The following GLYR1 variants were observed in gnomAD, a reference collection of about 807,000 sequenced individuals.
GLYR1 encodes cytokine-like nuclear factor N-PAC.
A neutral mutation model predicts 72.7 loss-of-function variants in GLYR1; 21 were observed. That is an observed-to-expected ratio of 0.29 (90% confidence interval 0.20 to 0.42). The LOEUF is 0.42. Among genes scored for constraint, GLYR1 ranks in the 10% least tolerant of loss-of-function variants. GLYR1 has a pLI of 1.00. For synonymous variants in GLYR1, 392 were observed against 270.2 expected, an observed-to-expected ratio of 1.45 and a Z score of -4.42; for missense variants, 594 against 712.1, an observed-to-expected ratio of 0.83 and a Z score of 1.89.
intron 10 of GLYR1, among the ~76,000 whole-genome samples, chr16:4,817,327 G>A (rs1309551670): frequency 3.9e-5 from 6 of 151,942 alleles, no homozygotes; most frequent in African/African-American, 1.4e-4. Flanking sequence ...CACCGTGTTA[G>A]CCAGGATGGT....
intron 10 of GLYR1, 94 bp from the exon 11 acceptor site, chr16:4,814,741 C>G (rs930570411): frequency 2.0e-6 from 2 of 1,007,144 alleles, no homozygotes; most frequent in Non-Finnish European, 3.1e-6. Context: ...CTCCTGGCGG[C>G]CTACCAAGGC....
chr16:4,828,955 G>C (rs1344899882), intron 5 of GLYR1, among the ~76,000 whole-genome samples: 1 of 152,018 alleles, frequency 6.6e-6, no homozygotes, highest in Non-Finnish European at 1.5e-5. Context: ...ATATCAATTT[G>C]GGAAATAGCA....
chr16:4,835,245 G>A (rs1206747467), intron 3 of GLYR1, among the ~76,000 whole-genome samples: 1 of 152,076 alleles, frequency 6.6e-6, no homozygotes, highest in African/African-American at 2.4e-5. Flanking sequence ...GATTCTGAGG[G>A]AACAGAAAGG....
intron 3 of GLYR1, among the ~76,000 whole-genome samples, chr16:4,836,718 A>C (rs2085156668): frequency 6.6e-6 from 1 of 152,098 alleles, no homozygotes. Flanking sequence ...ATCATCAGAA[A>C]CTGGTCTAAC....
intron 7 of GLYR1, among the ~76,000 whole-genome samples, chr16:4,822,251 T>C (rs2084081905): frequency 6.6e-6 from 1 of 152,076 alleles, no homozygotes; most frequent in African/African-American, 2.4e-5. Context: ...CATGCCCAGC[T>C]AATTTTTGTA....
At chr16:4,808,651 A>T (rs2141941969) in intron 15 of GLYR1, among the ~76,000 whole-genome samples, 1 of 152,312 alleles carries the variant, frequency 6.6e-6, no homozygotes, top group South Asian at 2.1e-4. Flanking sequence ...GTATCAGCTG[A>T]TAGTACTTTA....
chr16:4,814,005 C>G, intron 11 of GLYR1, 167 bp from the exon 12 acceptor site: 3 of 511,704 alleles, frequency 5.9e-6, no homozygotes, highest in Non-Finnish European at 1.0e-5. Flanking sequence ...AAGTACTTCC[C>G]GCATGCTCCC....
In GLYR1 at chr16:4,807,709, T is replaced by TTGG. The variant is rs1374082676; in HGVS notation, c.1588-2400_1588-2399insCCA. The stretch of plus-strand genomic sequence containing the variant: ...AGTCAGGGTGGAGGCAACTTGGAAG[T>TTGG]CACTTCAAAGAGAAGCTTTCCCAGC... On this transcript the variant is annotated intron_variant, in intron 15 of 15. Transcript: ENST00000321919. Among the ~76,000 whole-genome samples the TTGG allele has an allele frequency of 3.3e-5, 5 of 152,140 alleles. No homozygotes were observed. In the East Asian group the frequency reaches 9.6e-4, roughly 29 times the overall value.
intron 3 of GLYR1, among the ~76,000 whole-genome samples, chr16:4,841,003 C>G (rs569134229): frequency 1.3e-5 from 2 of 152,170 alleles, no homozygotes; most frequent in African/African-American, 4.8e-5. Context: ...AAAGATAACA[C>G]ATTAGTACCA....
chr16:4,829,297 T>A (rs1213828726), intron 5 of GLYR1, among the ~76,000 whole-genome samples: 4 of 151,996 alleles, frequency 2.6e-5, no homozygotes, highest in South Asian at 2.1e-4. Context: ...CATAAAAACC[T>A]GTATTTCCAG....
At chr16:4,828,214 C>T (rs1419204164) in intron 5 of GLYR1, among the ~76,000 whole-genome samples, 7 of 151,310 alleles carry the variant, frequency 4.6e-5, no homozygotes, top group Admixed American at 1.3e-4. Flanking sequence ...GGACTATAGG[C>T]GCCCACCACC....
intron 9 of GLYR1, among the ~76,000 whole-genome samples, chr16:4,818,292 C>G (rs111581085): frequency 0.12 from 18,209 of 152,048 alleles, 1,391 homozygotes; most frequent in South Asian, 0.25. Flanking sequence ...CATGCCCGGC[C>G]TCACACTTTA....
chr16:4,825,058 A>T (rs1285959528), intron 5 of GLYR1, among the ~76,000 whole-genome samples: 3 of 152,182 alleles, frequency 2.0e-5, no homozygotes, highest in Non-Finnish European at 4.4e-5. Flanking sequence ...ACCTAAGCTC[A>T]GGCCACCTGG....
At chr16:4,822,601 G>C (rs1268879877) in intron 7 of GLYR1, among the ~76,000 whole-genome samples, 1 of 152,178 alleles carries the variant, frequency 6.6e-6, no homozygotes, top group Non-Finnish European at 1.5e-5. Context: ...ATGTTGGTCA[G>C]ACTGGTCTTG....
At chr16:4,841,450 G>A (rs570564320) in intron 3 of GLYR1, among the ~76,000 whole-genome samples, 1 of 77,932 alleles carries the variant, frequency 1.3e-5, no homozygotes, top group Non-Finnish European at 2.2e-5. Context: ...GCGAGAACTT[G>A]TCTCTACAAA....
chr16:4,841,384 G>C (rs1275390301), intron 3 of GLYR1, among the ~76,000 whole-genome samples: 6 of 146,968 alleles, frequency 4.1e-5, no homozygotes, highest in Non-Finnish European at 7.4e-5. Flanking sequence ...ACTTCGGGAG[G>C]CCGAGGTGGG....
chr16:4,810,717 A>G (rs1424552873), intron 15 of GLYR1, among the ~76,000 whole-genome samples: 1 of 146,564 alleles, frequency 6.8e-6, no homozygotes, highest in African/African-American at 2.5e-5. Flanking sequence ...AAAAAAAAAA[A>G]AAAAAAAAAA....
chr16:4,810,939 T>C (rs931934206), intron 15 of GLYR1, among the ~76,000 whole-genome samples: 5 of 151,786 alleles, frequency 3.3e-5, no homozygotes, highest in Non-Finnish European at 5.9e-5. Context: ...ACCCCATCTC[T>C]GCTAAAAATA....
intron 9 of GLYR1, among the ~76,000 whole-genome samples, chr16:4,820,440 G>C (rs1441928798): frequency 2.6e-5 from 4 of 152,098 alleles, no homozygotes; most frequent in Non-Finnish European, 5.9e-5. Flanking sequence ...TTGACTAATG[G>C]GCCAATAAAT....
Sources: allele counts gnomAD v4.1 joint callset (sites outside exome capture counted in the v4.1 genomes callset), GRCh38; gene constraint gnomAD v4.1.1; transcripts MANE v1.5; gene names NCBI Gene and HGNC (gene_info 2026-07-23, HGNC 2026-07-21).